The following HYCC1 variants were observed in gnomAD, a reference collection of about 807,000 sequenced individuals.
HYCC1 encodes the protein hyccin.
chr7:22,952,177 C>T, the HYCC1 span, among the ~76,000 whole-genome samples: 1 of 151,884 alleles, frequency 6.6e-6, no homozygotes, highest in Non-Finnish European at 1.5e-5. Context: ...AGAGCTCACA[C>T]TGTAATATCG....
the HYCC1 span, among the ~76,000 whole-genome samples, chr7:22,978,009 T>A: frequency 6.6e-6 from 1 of 152,186 alleles, no homozygotes; most frequent in Non-Finnish European, 1.5e-5. Context: ...AATGCAACAC[T>A]GATATTTTCA....
chr7:22,983,342 A>C, the HYCC1 span, among the ~76,000 whole-genome samples: 1 of 152,036 alleles, frequency 6.6e-6, no homozygotes, highest in African/African-American at 2.4e-5. Context: ...AAAAAAAAAA[A>C]AATCTAAATT....
chr7:22,985,899 G>T, the HYCC1 span, among the ~76,000 whole-genome samples: 25 of 148,984 alleles, frequency 1.7e-4, no homozygotes, highest in South Asian at 5.1e-3. Flanking sequence ...TGTATACATA[G>T]TTACATGTAT....
At chr7:22,930,674 A>T in the HYCC1 span, among the ~76,000 whole-genome samples, 1 of 152,114 alleles carries the variant, frequency 6.6e-6, no homozygotes, top group Non-Finnish European at 1.5e-5. Context: ...ATAAAAATAC[A>T]GAGTAATATT....
At chr7:22,922,013 G>A in the HYCC1 span, among the ~76,000 whole-genome samples, 1 of 152,032 alleles carries the variant, frequency 6.6e-6, no homozygotes, top group Non-Finnish European at 1.5e-5. Context: ...GTTTGAAAAT[G>A]TTTCTCTAGA....
chr7:22,925,474 G>C, the HYCC1 span, among the ~76,000 whole-genome samples: 1 of 152,174 alleles, frequency 6.6e-6, no homozygotes, highest in African/African-American at 2.4e-5. Context: ...AACCAATGCA[G>C]AGAAGTCCTT....
At chr7:22,928,418 A>G in the HYCC1 span, among the ~76,000 whole-genome samples, 1 of 152,218 alleles carries the variant, frequency 6.6e-6, no homozygotes, top group Non-Finnish European at 1.5e-5. Flanking sequence ...AGATGACATG[A>G]TTGTATATCT....
the HYCC1 span, among the ~76,000 whole-genome samples, chr7:22,980,275 T>G: frequency 5.8e-5 from 3 of 51,720 alleles, no homozygotes; most frequent in African/African-American, 3.2e-4. Context: ...TTTTTTAATG[T>G]TTTTTTTTTT....
chr7:22,923,698 G>A, the HYCC1 span, among the ~76,000 whole-genome samples: 1 of 152,012 alleles, frequency 6.6e-6, no homozygotes, highest in African/African-American at 2.4e-5. Flanking sequence ...CAAATTAGAA[G>A]TAAAATAGGG....
At chr7:22,965,354 A>G in the HYCC1 span, among the ~76,000 whole-genome samples, 2 of 151,862 alleles carry the variant, frequency 1.3e-5, no homozygotes, top group African/African-American at 2.4e-5. Flanking sequence ...GAAATAAAAC[A>G]TAGGCAAATA....
At chr7:23,003,486 TG>T in the HYCC1 span, among the ~76,000 whole-genome samples, 1 of 152,198 alleles carries the variant, frequency 6.6e-6, no homozygotes, top group South Asian at 2.1e-4. Context: ...GAAAGCCCAA[TG>T]TAAACATTAT....
At chr7:22,951,853 G>T in the HYCC1 span, among the ~76,000 whole-genome samples, 1 of 151,672 alleles carries the variant, frequency 6.6e-6, no homozygotes, top group African/African-American at 2.4e-5. Flanking sequence ...TACCAAAAAA[G>T]TTTAAATAGA....
chr7:22,969,971 G>A, the HYCC1 span, among the ~76,000 whole-genome samples: 1 of 152,050 alleles, frequency 6.6e-6, no homozygotes, highest in African/African-American at 2.4e-5. Flanking sequence ...AATAGTATAG[G>A]GTTCAGGAAA....
the HYCC1 span, among the ~76,000 whole-genome samples, chr7:22,907,747 T>TA: frequency 1.3e-5 from 2 of 151,772 alleles, no homozygotes; most frequent in East Asian, 1.9e-4. Context: ...CCGTCTCTAC[T>TA]AAAAAAATAC....
the HYCC1 span, chr7:22,947,309 A>G: frequency 7.1e-7 from 1 of 1,399,774 alleles, no homozygotes; most frequent in Non-Finnish European, 9.7e-7. Flanking sequence ...GTGAAATGAG[A>G]AAAGCAAAAG....
At chr7:22,904,214 G>A in the HYCC1 span, among the ~76,000 whole-genome samples, 24 of 151,964 alleles carry the variant, frequency 1.6e-4, 1 homozygote, top group Admixed American at 1.4e-3. Context: ...GGCGGATCAC[G>A]AGGTCAGGAG....
the HYCC1 span, among the ~76,000 whole-genome samples, chr7:22,900,161 A>C: frequency 6.6e-6 from 1 of 152,232 alleles, no homozygotes; most frequent in African/African-American, 2.4e-5. Context: ...TAATTTTTTA[A>C]AGGGGACAGT....
At chr7:22,945,454 G>A in the HYCC1 span, 1 of 713,712 alleles carries the variant, frequency 1.4e-6, no homozygotes. Context: ...CCTTCATAAA[G>A]TCAGGGGAGC....
At chr7:23,014,095 C>A in the HYCC1 span, 3 of 470,420 alleles carry the variant, frequency 6.4e-6, no homozygotes, top group South Asian at 4.6e-5. Context: ...GACTGACAAC[C>A]CAGCCGGGAG....
Sources: allele counts gnomAD v4.1 joint callset (sites outside exome capture counted in the v4.1 genomes callset), GRCh38; gene constraint gnomAD v4.1.1; transcripts MANE v1.5; gene names NCBI Gene and HGNC (gene_info 2026-07-23, HGNC 2026-07-21).